Variants in FBXW7 observed in about 807,000 individuals in gnomAD.
The protein encoded by FBXW7 is F-box and WD repeat domain containing 7.
A neutral mutation model predicts 86.3 loss-of-function variants in FBXW7; 11 were observed. The observed-to-expected ratio is 0.13, with a 90% CI of 0.08 to 0.21. The LOEUF is 0.21. Ranked by LOEUF, FBXW7 falls within the 10% of genes least tolerant of loss-of-function variation. FBXW7 has a pLI of 1.00. For missense variants in FBXW7, 488 were observed against 847.4 expected, an observed-to-expected ratio of 0.58 and a Z score of 5.27; for synonymous variants, 313 against 297.9, an observed-to-expected ratio of 1.05 and a Z score of -0.52.
chr4:152,328,165 T>C (rs758773621), intron 11 of FBXW7, 43 bp downstream of exon 11: 8 of 1,539,714 alleles, frequency 5.2e-6, no homozygotes, highest in African/African-American at 1.4e-5. Flanking sequence ...AATTCACCAA[T>C]AATAGAGGAA....
intron 2 of FBXW7, among the ~76,000 whole-genome samples, chr4:152,483,040 CA>C (rs1055310285): frequency 1.3e-5 from 2 of 152,090 alleles, no homozygotes; most frequent in Non-Finnish European, 2.9e-5. Context: ...TTCTAAAATA[CA>C]GATGTACCAT....
intron 2 of FBXW7, among the ~76,000 whole-genome samples, chr4:152,425,297 G>C (rs2126929639): frequency 6.6e-6 from 1 of 152,228 alleles, no homozygotes; most frequent in South Asian, 2.1e-4. Context: ...CTCATTTGCA[G>C]CAATTCCATA....
chr4:152,367,247 C>T (rs1406252916), intron 4 of FBXW7, among the ~76,000 whole-genome samples: 1 of 151,994 alleles, frequency 6.6e-6, no homozygotes, highest in Non-Finnish European at 1.5e-5. Flanking sequence ...GCACGTTGTG[C>T]ACATGTACCC....
intron 2 of FBXW7, among the ~76,000 whole-genome samples, chr4:152,476,601 C>T (rs1277634693): frequency 1.3e-5 from 2 of 152,082 alleles, no homozygotes; most frequent in Non-Finnish European, 2.9e-5. Context: ...CTCTCAAACT[C>T]AACAATAAGA....
chr4:152,380,174 TGAAA>T (rs1241254914), intron 4 of FBXW7, among the ~76,000 whole-genome samples: 1 of 152,086 alleles, frequency 6.6e-6, no homozygotes, highest in Non-Finnish European at 1.5e-5. Context: ...GCAATCTGCT[TGAAA>T]GAAAGTAAAA....
At chr4:152,500,436 T>A (rs1746816501) in intron 2 of FBXW7, among the ~76,000 whole-genome samples, 1 of 137,252 alleles carries the variant, frequency 7.3e-6, no homozygotes, top group African/African-American at 2.8e-5. Flanking sequence ...TCTTTCTCTC[T>A]CACATCATCA....
chr4:152,366,398 T>C (rs1007536954), intron 4 of FBXW7, among the ~76,000 whole-genome samples: 3 of 152,160 alleles, frequency 2.0e-5, no homozygotes, highest in East Asian at 3.8e-4. Context: ...CTTGTTAAAG[T>C]ACACCACTTC....
intron 2 of FBXW7, among the ~76,000 whole-genome samples, chr4:152,472,508 C>T (rs1242349641): frequency 1.3e-5 from 2 of 152,026 alleles, no homozygotes; most frequent in Non-Finnish European, 2.9e-5. Flanking sequence ...AAACATACTG[C>T]TGTGGGAAAG....
At chr4:152,346,825 C>G (rs1332395653) in intron 6 of FBXW7, 105 bp downstream of exon 6, 1 of 1,429,450 alleles carries the variant, frequency 7.0e-7, no homozygotes, top group Non-Finnish European at 9.5e-7. Flanking sequence ...AATTCATCCA[C>G]AGTATACTAT....
chr4:152,502,053 AT>A (rs930750551), intron 2 of FBXW7, among the ~76,000 whole-genome samples: 1 of 152,192 alleles, frequency 6.6e-6, no homozygotes, highest in Non-Finnish European at 1.5e-5. Context: ...CTGATCAAAA[AT>A]GACTGTAATC....
chr4:152,357,310 AAGT>A lies in FBXW7; in HGVS notation c.502-7189_502-7187del, dbSNP rs1345919915. On this transcript the variant is annotated intron_variant, in intron 4 of 13. Coordinates refer to ENST00000281708, the MANE Select transcript of FBXW7 (RefSeq NM_001349798.2). ...TAAATAAATTTTAATATAATTACAGAAGTAGTAGTTTTTTCTTTTTTTTTTTTA... is the reference window on the plus strand; with the variant it reads ...TAAATAAATTTTAATATAATTACAGAAGTAGTTTTTTCTTTTTTTTTTTTA... Among the ~76,000 whole-genome samples, 3 of 151,954 alleles carry A rather than the reference AAGT, an allele frequency of 2.0e-5. No individual in the cohort carries two copies. In the South Asian group the frequency reaches 6.2e-4, roughly 32 times the overall value.
chr4:152,469,002 A>G (rs1743703507), intron 2 of FBXW7, among the ~76,000 whole-genome samples: 1 of 152,100 alleles, frequency 6.6e-6, no homozygotes, highest in Non-Finnish European at 1.5e-5. Context: ...AGTAAACAGA[A>G]CAGTATAACT....
At chr4:152,485,552 T>C (rs548627355) in intron 2 of FBXW7, among the ~76,000 whole-genome samples, 81 of 152,316 alleles carry the variant, frequency 5.3e-4, no homozygotes, top group African/African-American at 1.9e-3. Flanking sequence ...AACCTTGGTG[T>C]CACTAGGAAT....
At chr4:152,502,513 T>C (rs1045050635) in intron 2 of FBXW7, among the ~76,000 whole-genome samples, 10 of 152,180 alleles carry the variant, frequency 6.6e-5, no homozygotes, top group Non-Finnish European at 1.2e-4. Context: ...GTGATGCCTA[T>C]GTAAATCACA....
chr4:152,525,873 A>T (rs1749463789), intron 2 of FBXW7, among the ~76,000 whole-genome samples: 1 of 152,208 alleles, frequency 6.6e-6, no homozygotes, highest in Non-Finnish European at 1.5e-5. Context: ...TCTTTAAGGA[A>T]TCGCGATACT....
chr4:152,402,625 T>C (rs1465744942), intron 4 of FBXW7, among the ~76,000 whole-genome samples: 1 of 152,216 alleles, frequency 6.6e-6, no homozygotes, highest in Non-Finnish European at 1.5e-5. Context: ...TGATACAAGA[T>C]TAATTACTTA....
intron 2 of FBXW7, among the ~76,000 whole-genome samples, chr4:152,463,980 C>T (rs1743189990): frequency 6.6e-6 from 1 of 151,954 alleles, no homozygotes; most frequent in Non-Finnish European, 1.5e-5. Flanking sequence ...AGCAAAAAAA[C>T]AAATGCTAAA....
At chr4:152,500,263 CT>C in intron 2 of FBXW7, among the ~76,000 whole-genome samples, 1 of 152,144 alleles carries the variant, frequency 6.6e-6, no homozygotes, top group Admixed American at 6.5e-5. Flanking sequence ...CTATATTATG[CT>C]ATGAGTTTTT....
chr4:152,430,139 G>C (rs1482741602), intron 2 of FBXW7, among the ~76,000 whole-genome samples: 1 of 152,158 alleles, frequency 6.6e-6, no homozygotes, highest in East Asian at 1.9e-4. Context: ...TGCTTTTGAA[G>C]AACAGTGACC....
Sources: gnomAD v4.1 joint callset for allele counts (sites outside exome capture counted in the v4.1 genomes callset) on GRCh38, gnomAD v4.1.1 for gene constraint, MANE v1.5 for transcripts, NCBI Gene and HGNC (gene_info 2026-07-23, HGNC 2026-07-21) for gene names.